Variants in FGGY observed in about 807,000 individuals in gnomAD.
FGGY encodes the protein FGGY carbohydrate kinase domain containing.
FGGY carries 72 observed loss-of-function variants against 71.3 expected under a neutral mutation model. The ratio of observed to expected loss-of-function variants is 1.01; its 90% CI spans 0.84 to 1.23. The LOEUF (loss-of-function observed/expected upper bound fraction) is 1.23. Among genes scored for constraint, FGGY ranks in the 50% most tolerant of loss-of-function variants. The pLI, the probability that FGGY is intolerant of heterozygous loss-of-function variation, is 0.00. For missense variants in FGGY, 668 were observed against 682.3 expected, an observed-to-expected ratio of 0.98 and a Z score of 0.23; for synonymous variants, 251 against 250.3, an observed-to-expected ratio of 1.00 and a Z score of -0.02.
chr1:59,572,932 T>C (rs182041458), intron 8 of FGGY, among the ~76,000 whole-genome samples: 1 of 152,258 alleles, frequency 6.6e-6, no homozygotes, highest in East Asian at 1.9e-4. Context: ...TTTTAAATAT[T>C]TTACCCTTGT....
chr1:59,322,227 AAGT>A (rs1194505480), intron 2 of FGGY, among the ~76,000 whole-genome samples: 3 of 152,026 alleles, frequency 2.0e-5, no homozygotes, highest in Admixed American at 6.6e-5. Flanking sequence ...TTCACACAGT[AAGT>A]AGCAGAGGCA....
intron 11 of FGGY, among the ~76,000 whole-genome samples, chr1:59,655,184 G>A (rs914461665): frequency 2.0e-5 from 3 of 152,230 alleles, no homozygotes; most frequent in Middle Eastern, 3.4e-3. Flanking sequence ...TAAATGAATG[G>A]GATTGAGCCT....
At chr1:59,756,659 G>A (rs1202693110) in intron 14 of FGGY, among the ~76,000 whole-genome samples, 8 of 152,146 alleles carry the variant, frequency 5.3e-5, no homozygotes, top group East Asian at 1.9e-4. Context: ...TCCAGGTGTC[G>A]AGACTTAGTA....
At chr1:59,541,038 A>T (rs542171739) in intron 7 of FGGY, among the ~76,000 whole-genome samples, 1 of 152,246 alleles carries the variant, frequency 6.6e-6, no homozygotes, top group East Asian at 1.9e-4. Flanking sequence ...AGTGGTGGCA[A>T]GTAGGCTTTT....
At chr1:59,750,904 C>T in intron 14 of FGGY, among the ~76,000 whole-genome samples, 1 of 114,400 alleles carries the variant, frequency 8.7e-6, no homozygotes, top group African/African-American at 2.7e-5. Flanking sequence ...GTGTCAGCAT[C>T]TGTAAAAAAA....
chr1:59,426,237 G>A (rs887394222), intron 5 of FGGY, among the ~76,000 whole-genome samples: 10 of 152,126 alleles, frequency 6.6e-5, no homozygotes, highest in African/African-American at 2.2e-4. Flanking sequence ...GTCCTTGCTA[G>A]TCCAGAAGAA....
At chr1:59,623,445 G>A (rs1009034391) in intron 9 of FGGY, among the ~76,000 whole-genome samples, 2 of 152,088 alleles carry the variant, frequency 1.3e-5, no homozygotes, top group Non-Finnish European at 2.9e-5. Context: ...GCAAAGTGTG[G>A]TAAGTGCCAC....
chr1:59,688,747 T>C (rs2097565116), intron 14 of FGGY, among the ~76,000 whole-genome samples: 1 of 92,078 alleles, frequency 1.1e-5, no homozygotes, highest in Admixed American at 1.7e-4. Flanking sequence ...AAGTGTTTTT[T>C]AGAATTTTTT....
At chr1:59,467,996 C>A (rs766282768) in intron 6 of FGGY, among the ~76,000 whole-genome samples, 2 of 151,958 alleles carry the variant, frequency 1.3e-5, no homozygotes, top group Non-Finnish European at 2.9e-5. Context: ...CTCTGCCTCC[C>A]GGTTTCAAGT....
intron 14 of FGGY, 128 bp from the exon 15 acceptor site, chr1:59,757,802 GA>G: frequency 1.0e-5 from 6 of 598,652 alleles, no homozygotes; most frequent in East Asian, 5.7e-5. Context: ...AAAGTAAGTT[GA>G]AAAAAAAGAG....
chr1:59,596,478 G>A (rs1035372511), intron 8 of FGGY, among the ~76,000 whole-genome samples: 1 of 148,902 alleles, frequency 6.7e-6, no homozygotes. Context: ...AAAAAAAAGT[G>A]ACTTAGGAAG....
intron 10 of FGGY, among the ~76,000 whole-genome samples, chr1:59,634,189 G>A (rs898033465): frequency 3.3e-5 from 5 of 152,048 alleles, no homozygotes; most frequent in African/African-American, 1.2e-4. Context: ...GGCGGATCAC[G>A]AGGTCAGGAG....
chr1:59,539,687 G>C (rs538021469), intron 7 of FGGY, among the ~76,000 whole-genome samples: 2 of 152,196 alleles, frequency 1.3e-5, no homozygotes, highest in Admixed American at 1.3e-4. Context: ...CTTTGAGATA[G>C]ACAATTTTCC....
rs533584245 is a variant in FGGY at position 59,651,269 on chromosome 1, C to T, written c.1222-8950C>T. Among the ~76,000 whole-genome samples, 28 of 152,056 alleles carry T rather than the reference C, an allele frequency of 1.8e-4. No homozygotes were observed. The East Asian group carries it at 2.9e-3, about 16-fold the overall frequency. ...GAGTTCTGTAGAAGTCTATTAGGTC[C>T]GCTTGGTGCAGAGCTGAGTTCAATT... On this transcript the variant is annotated intron_variant, in intron 11 of 15. Transcript: ENST00000303721.
intron 1 of FGGY, among the ~76,000 whole-genome samples, chr1:59,320,691 C>T (rs1405831038): frequency 6.6e-6 from 1 of 152,198 alleles, no homozygotes; most frequent in Non-Finnish European, 1.5e-5. Flanking sequence ...CTCGGGGTTC[C>T]TTCCCAATTC....
At chr1:59,590,805 A>G (rs908717915) in intron 8 of FGGY, among the ~76,000 whole-genome samples, 5 of 152,208 alleles carry the variant, frequency 3.3e-5, no homozygotes, top group Non-Finnish European at 4.4e-5. Context: ...AATAAGAGCT[A>G]TCTATGACAA....
chr1:59,388,770 T>A (rs906759197), intron 5 of FGGY, among the ~76,000 whole-genome samples: 23 of 152,186 alleles, frequency 1.5e-4, no homozygotes, highest in African/African-American at 5.1e-4. Flanking sequence ...TTTATTAATT[T>A]TAATAATACA....
At chr1:59,649,053 T>C (rs904754806) in intron 11 of FGGY, among the ~76,000 whole-genome samples, 3 of 151,740 alleles carry the variant, frequency 2.0e-5, no homozygotes, top group South Asian at 2.1e-4. Flanking sequence ...AAAGATCAGA[T>C]AGTTTTAGGT....
intron 5 of FGGY, among the ~76,000 whole-genome samples, chr1:59,440,248 T>G (rs1187108724): frequency 6.6e-6 from 1 of 152,122 alleles, no homozygotes; most frequent in Non-Finnish European, 1.5e-5. Context: ...AAAAGGAACA[T>G]GTACACTCCA....
Sources: allele counts gnomAD v4.1 joint callset (sites outside exome capture counted in the v4.1 genomes callset), GRCh38; gene constraint gnomAD v4.1.1; transcripts MANE v1.5; gene names NCBI Gene and HGNC (gene_info 2026-07-23, HGNC 2026-07-21).